ASAP1: variants seen among roughly 807,000 people sequenced by gnomAD.
The protein encoded by ASAP1 is arf-GAP with SH3 domain, ANK repeat and PH domain-containing protein 1.
ASAP1 carries 43 observed loss-of-function variants against 145.2 expected under a neutral mutation model. The ratio of observed to expected loss-of-function variants is 0.30; its 90% CI spans 0.23 to 0.38. The LOEUF is 0.38. ASAP1 is among the 10% of genes least tolerant of loss of function. The pLI, the probability that ASAP1 is intolerant of heterozygous loss-of-function variation, is 1.00. For missense variants in ASAP1, 1,018 were observed against 1,355.3 expected (o/e 0.75, Z 3.91); for synonymous variants, 546 against 515.5 (o/e 1.06, Z -0.80).
chr8:130,112,460 C>CT, intron 23 of ASAP1, 138 bp from the exon 24 acceptor site: 4 of 638,930 alleles, frequency 6.3e-6, no homozygotes, highest in Non-Finnish European at 1.1e-5. Context: ...CCACAATGAG[C>CT]CTCATGATGC....
chr8:130,408,523 A>G (rs1373071576), intron 1 of ASAP1, among the ~76,000 whole-genome samples: 2 of 152,156 alleles, frequency 1.3e-5, no homozygotes, highest in Admixed American at 6.5e-5. Flanking sequence ...CCTTCGGGCT[A>G]GGACTGAATT....
chr8:130,257,817 A>C (rs2136941013), intron 3 of ASAP1, among the ~76,000 whole-genome samples: 1 of 129,052 alleles, frequency 7.7e-6, no homozygotes, highest in African/African-American at 3.0e-5. Context: ...AGAAGTGCCT[A>C]CTAATCTCAG....
At chr8:130,410,478 C>A (rs567362778) in intron 1 of ASAP1, among the ~76,000 whole-genome samples, 23 of 152,288 alleles carry the variant, frequency 1.5e-4, no homozygotes, top group South Asian at 1.2e-3. Context: ...GCCACGCAAT[C>A]CAATCCTCAT....
At chr8:130,370,710 T>C (rs1168059881) in intron 2 of ASAP1, among the ~76,000 whole-genome samples, 2 of 152,226 alleles carry the variant, frequency 1.3e-5, no homozygotes, top group African/African-American at 4.8e-5. Flanking sequence ...AATGGAATAT[T>C]ATTCAGCCAT....
rs571647272 is a variant in ASAP1, at chr8:130,358,280, C to T, written c.60-137G>A. Reference sequence around the variant, plus strand: ...GCCGCCCGGCCTGGCGCGCGGCTCCCGTCCCCGGCAGCGGCGAGAGGGAGG... The same window carrying T: ...GCCGCCCGGCCTGGCGCGCGGCTCCTGTCCCCGGCAGCGGCGAGAGGGAGG... On this transcript the variant is annotated intron_variant, in intron 2 of 29. Coordinates refer to ENST00000518721, the MANE Select transcript of ASAP1 (RefSeq NM_018482.4). This position sits in a 1 kb window ranked among gnomAD's most constrained non-coding sequence, Gnocchi z 4.1. The T allele has an allele frequency of 1.1e-4, 59 of 556,054 alleles. No individual in the cohort carries two copies. The highest frequency in any genetic ancestry group is 1.2e-4 in the Non-Finnish European group (51 of 420,966). 34.4% of individuals were successfully genotyped at this position (556,054 alleles called of 1,614,324 possible). A position where few individuals can be genotyped will look rare whatever the true frequency, so the allele number is the denominator to read the frequency against.
chr8:130,097,073 C>T (rs1225135153), intron 24 of ASAP1, among the ~76,000 whole-genome samples: 1 of 127,932 alleles, frequency 7.8e-6, no homozygotes, highest in African/African-American at 3.0e-5. Flanking sequence ...TTGCAGTGAG[C>T]CGAGATCATG....
intron 3 of ASAP1, among the ~76,000 whole-genome samples, chr8:130,319,118 T>G (rs1437238055): frequency 6.6e-6 from 1 of 152,198 alleles, no homozygotes; most frequent in Non-Finnish European, 1.5e-5. Context: ...CTGTGGTTAT[T>G]TGGAGAAGAA....
chr8:130,365,465 A>G (rs540071888), intron 2 of ASAP1, among the ~76,000 whole-genome samples: 1 of 152,170 alleles, frequency 6.6e-6, no homozygotes, highest in East Asian at 1.9e-4. Flanking sequence ...AGTCCTAAAA[A>G]CTTGCGATCT....
intron 14 of ASAP1, 124 bp downstream of exon 14, chr8:130,136,827 A>G: frequency 1.2e-6 from 1 of 804,114 alleles, no homozygotes; most frequent in Non-Finnish European, 2.1e-6. Flanking sequence ...CAGCACATGC[A>G]GGAATAACTG....
chr8:130,419,845 G>A (rs753361668), intron 1 of ASAP1, among the ~76,000 whole-genome samples: 4 of 152,098 alleles, frequency 2.6e-5, no homozygotes, highest in African/African-American at 7.2e-5. Flanking sequence ...CGCTGTCTCC[G>A]GTTTCCAATA....
chr8:130,115,770 T>A, intron 22 of ASAP1, 35 bp from the exon 23 acceptor site: 1 of 1,453,088 alleles, frequency 6.9e-7, no homozygotes, highest in Non-Finnish European at 9.6e-7. Context: ...CATTTTAATT[T>A]AAATGCTGAA....
At chr8:130,092,681 T>C (rs775455788) in intron 24 of ASAP1, among the ~76,000 whole-genome samples, 13 of 152,092 alleles carry the variant, frequency 8.5e-5, no homozygotes, top group Non-Finnish European at 1.8e-4. Flanking sequence ...CACAGAATGC[T>C]ACTGAGTTTA....
At chr8:130,288,383 C>G (rs558120294) in intron 3 of ASAP1, among the ~76,000 whole-genome samples, 1 of 151,878 alleles carries the variant, frequency 6.6e-6, no homozygotes, top group South Asian at 2.1e-4. Context: ...GTTGAAACAA[C>G]TGTTAATAAA....
intron 5 of ASAP1, among the ~76,000 whole-genome samples, chr8:130,212,131 GC>G (rs1465218558): frequency 6.6e-6 from 1 of 152,212 alleles, no homozygotes; most frequent in African/African-American, 2.4e-5. Flanking sequence ...GCAGAAAGTT[GC>G]TGGCTGTTGT....
intron 24 of ASAP1, among the ~76,000 whole-genome samples, chr8:130,105,812 G>A (rs1325226819): frequency 2.0e-5 from 3 of 152,124 alleles, no homozygotes; most frequent in African/African-American, 4.8e-5. Context: ...CTGGTGCCCG[G>A]GCATGATATG....
At chr8:130,418,878 T>C (rs1268778546) in intron 1 of ASAP1, among the ~76,000 whole-genome samples, 1 of 151,688 alleles carries the variant, frequency 6.6e-6, no homozygotes, top group Non-Finnish European at 1.5e-5. Flanking sequence ...TCTGATGGAG[T>C]GAAGTCTCAA....
At position 130,142,706 on chromosome 8, in the gene ASAP1, C is replaced by G. The variant is rs76018370; in HGVS notation, c.1081-5668G>C. ...TGGACAAACTGGGAAGTGTGATAAG[C>G]AGGTCCAAAGGCCTGGGGCATAGGA... On this transcript the variant is annotated intron_variant, in intron 13 of 29. Coordinates refer to ENST00000518721, the MANE Select transcript of ASAP1 (RefSeq NM_018482.4). 1.7e-3 allele frequency among the ~76,000 whole-genome samples: 255 copies of G among 152,280 alleles called. 1 individual carries two copies. Among genetic ancestry groups the G allele is most frequent in the African/African-American group, 6.1e-3 (252 of 41,558 alleles).
At chr8:130,329,216 A>G (rs1261529438) in intron 3 of ASAP1, among the ~76,000 whole-genome samples, 1 of 152,158 alleles carries the variant, frequency 6.6e-6, no homozygotes, top group African/African-American at 2.4e-5. Flanking sequence ...TCACTAAGCC[A>G]CTTAACTAAA....
chr8:130,067,679 G>A (rs997731076), intron 27 of ASAP1, among the ~76,000 whole-genome samples: 2 of 152,144 alleles, frequency 1.3e-5, no homozygotes, highest in Non-Finnish European at 2.9e-5. Flanking sequence ...TGGATTACAG[G>A]TGTGAGCCAC....
Sources: gnomAD v4.1 joint callset for allele counts (sites outside exome capture counted in the v4.1 genomes callset) on GRCh38, gnomAD v4.1.1 for gene constraint, Gnocchi (gnomAD v3.1) non-coding constraint, MANE v1.5 for transcripts, NCBI Gene and HGNC (gene_info 2026-07-23, HGNC 2026-07-21) for gene names.